Variants in LMNTD1 observed in about 807,000 individuals in gnomAD.
LMNTD1 encodes the protein lamin tail domain containing 1, also known as lamin tail domain-containing protein 1.
Under a neutral mutation model 50.9 loss-of-function variants are expected in LMNTD1, and 35 were observed. The ratio of observed to expected loss-of-function variants is 0.69; its 90% CI spans 0.53 to 0.91. LMNTD1 has a LOEUF of 0.91. LMNTD1 is among the 40% of genes least tolerant of loss of function. The pLI is 0.00. For synonymous variants in LMNTD1, 153 were observed against 161.9 expected, an observed-to-expected ratio of 0.94 and a Z score of 0.42; for missense variants, 470 against 475.5, an observed-to-expected ratio of 0.99 and a Z score of 0.11.
rs1331491161 is a variant in LMNTD1, at chr12:25,502,396, CTACTAA to C, written c.*22+1336_*22+1341del. ...TCATTCTTTGCATTTCAATTGCACA[CTACTAA>C]AGCTTATGACAACTGAAGGAAATTG... is the stretch of plus-strand genomic sequence containing the variant. On this transcript the variant is annotated intron_variant, in intron 9 of 9. Transcript: ENST00000458174. Among the ~76,000 whole-genome samples the C allele has an allele frequency of 5.3e-5, 8 of 152,280 alleles. No homozygotes were observed. The East Asian group carries it at 1.5e-3, about 29-fold the overall frequency.
At chr12:25,534,499 A>C (rs1565984339) in intron 4 of LMNTD1, among the ~76,000 whole-genome samples, 1 of 152,100 alleles carries the variant, frequency 6.6e-6, no homozygotes, top group Non-Finnish European at 1.5e-5. Flanking sequence ...GAGGAGATGG[A>C]GCTGAGAGTC....
intron 4 of LMNTD1, among the ~76,000 whole-genome samples, chr12:25,539,529 G>A (rs1942887769): frequency 6.6e-6 from 1 of 151,584 alleles, no homozygotes. Context: ...AAACCAACGA[G>A]AACAAAGACA....
intron 8 of LMNTD1, among the ~76,000 whole-genome samples, chr12:25,515,701 G>A (rs2619480): frequency 0.74 from 112,531 of 151,970 alleles, 42,605 homozygotes; most frequent in East Asian, 0.88. Flanking sequence ...TGTTCAGCAT[G>A]AGTTGGAAAT....
chr12:25,518,419 T>C (rs542413743), intron 8 of LMNTD1, among the ~76,000 whole-genome samples: 8 of 152,344 alleles, frequency 5.3e-5, no homozygotes, highest in African/African-American at 1.9e-4. Context: ...AGAGTGTGTT[T>C]GGAAAAGGTG....
intron 8 of LMNTD1, among the ~76,000 whole-genome samples, chr12:25,517,707 GAATAATAATAATAATAATAAT>G (rs71851020): frequency 0.74 from 102,356 of 138,548 alleles, 38,888 homozygotes; most frequent in East Asian, 0.87. Flanking sequence ...TAAAGTGTAA[GAATAATAATAATAATAATAAT>G]AATAATAATA....
chr12:25,615,753 G>T (rs968674954), intron 1 of LMNTD1, among the ~76,000 whole-genome samples: 1 of 152,080 alleles, frequency 6.6e-6, no homozygotes, highest in Non-Finnish European at 1.5e-5. Context: ...GAGCCATGGC[G>T]CCCAGCCTAG....
intron 1 of LMNTD1, among the ~76,000 whole-genome samples, chr12:25,614,605 A>G (rs185630264): frequency 7.9e-5 from 12 of 152,268 alleles, no homozygotes; most frequent in Admixed American, 1.3e-4. Flanking sequence ...AGAGAACAGT[A>G]TTTCTCTTCT....
At chr12:25,592,706 A>G (rs1945735198) in intron 1 of LMNTD1, 1 of 152,292 alleles carries the variant, frequency 6.6e-6, no homozygotes, top group East Asian at 1.9e-4. Flanking sequence ...CTGATTGAGA[A>G]GTCTCCTGGC....
chr12:25,541,845 A>C (rs1325136987), intron 4 of LMNTD1, among the ~76,000 whole-genome samples: 1 of 144,296 alleles, frequency 6.9e-6, no homozygotes, highest in East Asian at 2.1e-4. Context: ...TAATATCCAG[A>C]ATCTACAATG....
chr12:25,519,511 C>G (rs765040172), intron 7 of LMNTD1, among the ~76,000 whole-genome samples: 1 of 147,620 alleles, frequency 6.8e-6, no homozygotes, highest in Non-Finnish European at 1.5e-5. Flanking sequence ...TGGCGTGAAC[C>G]GGCAGGGCGG....
chr12:25,629,210 A>C (rs1946661170), intron 1 of LMNTD1, among the ~76,000 whole-genome samples: 1 of 152,218 alleles, frequency 6.6e-6, no homozygotes, highest in Admixed American at 6.5e-5. Flanking sequence ...TATGGCCAAG[A>C]ACATGAGTTC....
chr12:25,558,532 A>G (rs1227206541), intron 1 of LMNTD1, among the ~76,000 whole-genome samples: 1 of 152,180 alleles, frequency 6.6e-6, no homozygotes, highest in Admixed American at 6.5e-5. Flanking sequence ...CTCACTGGTC[A>G]TTTAGGAGCA....
At chr12:25,518,644 G>A (rs773715745) in intron 8 of LMNTD1, 151 bp downstream of exon 8, 111 of 650,262 alleles carry the variant, frequency 1.7e-4, no homozygotes, top group Non-Finnish European at 2.7e-4. Flanking sequence ...GTAAGTGAAT[G>A]GTTAACAATA....
chr12:25,478,179 TCCA>T (rs1938333144), intron 9 of LMNTD1, among the ~76,000 whole-genome samples: 2 of 152,096 alleles, frequency 1.3e-5, no homozygotes, highest in South Asian at 4.2e-4. Context: ...AATACTTCAA[TCCA>T]ATCAAGTTGA....
Position 25,552,839 on chromosome 12 carries a change from ACT to A in LMNTD1, c.89+30_89+31del, listed in dbSNP as rs768962978. The A allele has an allele frequency of 1.1e-4, 140 of 1,314,824 alleles. 1 individual carries two copies. In the East Asian group the frequency reaches 2.6e-3, roughly 25 times the overall value. The allele number at this position is 1,314,824 out of a possible 1,614,324, so 81.4% of individuals were successfully genotyped here. ...ATTCCTCCTCTATAACTCAGCTCTA[ACT>A]CTGCTTCCATCGCATCTATGCATGC... On this transcript the variant is annotated intron_variant, in intron 2 of 9. Transcript: ENST00000458174.
At chr12:25,580,972 A>G (rs1391825031) in intron 1 of LMNTD1, among the ~76,000 whole-genome samples, 3 of 152,228 alleles carry the variant, frequency 2.0e-5, no homozygotes, top group Non-Finnish European at 2.9e-5. Flanking sequence ...AGGACATGGC[A>G]TATAATCCCC....
intron 1 of LMNTD1, among the ~76,000 whole-genome samples, chr12:25,595,338 A>C (rs1354804080): frequency 6.6e-6 from 1 of 152,144 alleles, no homozygotes; most frequent in African/African-American, 2.4e-5. Flanking sequence ...CCACAAAATG[A>C]GCCTCAACAA....
chr12:25,531,637 C>T (rs1363674901), intron 4 of LMNTD1, among the ~76,000 whole-genome samples: 1 of 151,784 alleles, frequency 6.6e-6, no homozygotes, highest in Non-Finnish European at 1.5e-5. Context: ...TTTCTTTTAG[C>T]CTGCTAGATG....
chr12:25,560,387 G>A (rs1944251186), intron 1 of LMNTD1, among the ~76,000 whole-genome samples: 1 of 152,126 alleles, frequency 6.6e-6, no homozygotes, highest in African/African-American at 2.4e-5. Flanking sequence ...GCTCTGTTCT[G>A]TTCCATTGAT....
Sources: allele counts gnomAD v4.1 joint callset (sites outside exome capture counted in the v4.1 genomes callset), GRCh38; gene constraint gnomAD v4.1.1; transcripts MANE v1.5; gene names NCBI Gene and HGNC (gene_info 2026-07-23, HGNC 2026-07-21).